Variants in TEP1 observed in about 807,000 individuals in gnomAD.
The protein encoded by TEP1 is telomerase associated protein 1, also known as telomerase protein component 1.
A neutral mutation model predicts 306.3 loss-of-function variants in TEP1; 241 were observed. The observed-to-expected ratio is 0.79, with a 90% CI of 0.71 to 0.88. The LOEUF (loss-of-function observed/expected upper bound fraction) is 0.88, where lower values mean the gene tolerates loss of function less well. TEP1 is among the 40% of genes least tolerant of loss of function. The probability of loss-of-function intolerance (pLI) is 0.00; values close to 1 mark genes in which losing one functional copy is unlikely to be tolerated. For missense variants in TEP1, 3,051 were observed against 3,276.1 expected (o/e 0.93, Z 1.68); for synonymous variants, 1,289 against 1,305.5 (o/e 0.99, Z 0.27).
rs1487693055 is a variant in TEP1, at chr14:20,376,192, C to A, written c.6161G>T (p.Gly2054Val). 1 of 1,614,078 alleles carries A rather than the reference C, an allele frequency of 6.2e-7. No individual in the cohort carries two copies. Among genetic ancestry groups the A allele is most frequent in the African/African-American group, 1.3e-5 (1 of 74,926 alleles). ...RPHKAEDFPC[G>V]TELRGHEGPV... Reference sequence around the variant, plus strand: ...GCCCTCATGTCCCCGCAGCTCAGTGCCACAGGGAAAGTCTTCTGCCTTGTG... The same window carrying A: ...GCCCTCATGTCCCCGCAGCTCAGTGACACAGGGAAAGTCTTCTGCCTTGTG... The change falls in exon 42 of 55, where the codon GGC (glycine) becomes GTC (valine). Residue 2054 changes from glycine to valine, a missense_variant. Physicochemically the swap from Gly to Val is moderately radical, Grantham distance 109. Coordinates refer to ENST00000262715, the MANE Select transcript of TEP1 (RefSeq NM_007110.5).
chr14:20,376,240 G>C lies in TEP1; in HGVS notation c.6113C>G (p.Pro2038Arg). The C allele has an allele frequency of 6.2e-7, 1 of 1,614,120 alleles. No homozygotes were observed. The highest frequency in any genetic ancestry group is 8.5e-7 in the Non-Finnish European group (1 of 1,180,008). Residue 2038 changes from proline to arginine, a missense_variant, in exon 42 of 55, where the codon CCA becomes CGA. Physicochemically the swap from Pro to Arg is moderately radical, Grantham distance 103 (BLOSUM62 -2). Transcript: ENST00000262715. Reference protein sequence around the residue: ...ASEDFTVQLWPRQLLTRPHKA... With the variant: ...ASEDFTVQLWRRQLLTRPHKA... ...GTGTGGCCGCGTCAGCAGCTGCCTT[G>C]GCCACAGCTGCACTGTGAAATCCTC...
Position 20,381,637 on chromosome 14 carries a change from G to T in TEP1, c.4474C>A (p.Pro1492Thr), listed in dbSNP as rs757361801. Residue 1492 changes from proline (P) to threonine (T), a missense_variant, in exon 31 of 55, where the codon CCT (proline) becomes ACT (threonine). By Grantham distance (38) the Pro-to-Thr change is conservative (BLOSUM62 -1). This residue lies in a region of TEP1 where 1,540 missense variants were observed against 1,705.9 expected (regional missense o/e 0.90). Coordinates refer to ENST00000262715, the MANE Select transcript of TEP1 (RefSeq NM_007110.5). This position sits in a 1 kb window ranked among gnomAD's most constrained non-coding sequence, Gnocchi z 4.0. ...LERPGARLCL[P>T]DGPLRTAAKR... is the part of the protein sequence containing the mutation. ...GCTGCTGTTCTCAGGGGCCCATCAG[G>T]GAGGCACAGCCGGGCACCAGGGCGC... 1 of 1,613,852 alleles carries T rather than the reference G, an allele frequency of 6.2e-7. No homozygotes were observed. The highest frequency in any genetic ancestry group is 8.5e-7 in the Non-Finnish European group (1 of 1,179,922).
Position 20,368,262 on chromosome 14 carries a change from C to T in TEP1, c.*175G>A, listed in dbSNP as rs891001776. On this transcript the variant is annotated 3_prime_UTR_variant, in exon 55 of 55. Transcript: ENST00000262715. ...GTACATATACATACACATAGAATATCCTCCTGTTCTAAATCCACATGAGAA... is the reference window on the plus strand; with the variant it reads ...GTACATATACATACACATAGAATATTCTCCTGTTCTAAATCCACATGAGAA... 1 of 605,054 alleles carries T rather than the reference C, an allele frequency of 1.7e-6. No individual in the cohort carries two copies. The highest frequency in any genetic ancestry group is 1.8e-5 in the African/African-American group (1 of 54,334). 37.5% of individuals were successfully genotyped at this position (605,054 alleles called of 1,614,324 possible). A position where few individuals can be genotyped will look rare whatever the true frequency, so the allele number is the denominator to read the frequency against.
intron 53 of TEP1, 98 bp from the exon 54 acceptor site, chr14:20,369,000 C>T (rs1442781306): frequency 1.8e-5 from 15 of 824,766 alleles, no homozygotes; most frequent in Non-Finnish European, 2.7e-5. Flanking sequence ...GCCCTCCTCC[C>T]TTAGTATTTC....
In TEP1 at chr14:20,373,801, C is replaced by G; in HGVS notation, c.6481G>C (p.Val2161Leu). Residue 2161 changes from valine to leucine, a missense_variant, in exon 45 of 55, where the codon GTG becomes CTG. Val to Leu is a conservative substitution (Grantham distance 32, BLOSUM62 1). This residue lies in a region of TEP1 where 1,540 missense variants were observed against 1,705.9 expected (regional missense o/e 0.90). Transcript: ENST00000262715. Reference sequence around the variant, plus strand: ...GTCCCATCCCGGCTCACAGACACCACGTGCTCCTCCTGCCCACAGAGCACA... The same window carrying G: ...GTCCCATCCCGGCTCACAGACACCAGGTGCTCCTCCTGCCCACAGAGCACA... ...VSAVAAVEEH[V>L]VSVSRDGTLK... 5 of 1,612,988 alleles carry G rather than the reference C, an allele frequency of 3.1e-6. No individual in the cohort carries two copies. The Admixed American group carries it at 6.7e-5, about 22-fold the overall frequency.
intron 20 of TEP1, among the ~76,000 whole-genome samples, chr14:20,385,699 T>C (rs192378710): frequency 2.6e-5 from 4 of 152,344 alleles, no homozygotes; most frequent in Admixed American, 1.3e-4. Context: ...ATTCTCATAA[T>C]AACCCTCCAA....
rs766048211 is a variant in TEP1, at chr14:20,395,627, G to A, written c.1751C>T (p.Ala584Val). 1 of 1,593,938 alleles carries A rather than the reference G, an allele frequency of 6.3e-7. No individual in the cohort carries two copies. Among genetic ancestry groups the A allele is most frequent in the Non-Finnish European group, 8.6e-7 (1 of 1,163,384 alleles). ...DALEAQLRNQ[A>V]LPFPSNITLM... ...TGTTATATTCGAAGGAAAGGGCAAT[G>A]CTGTATGATGACAGGTAAATTTCCG... Residue 584 changes from alanine (A) to valine (V), a missense_variant and splice_region_variant, in exon 12 of 55, where the codon GCA becomes GTA. By Grantham distance (64) the Ala-to-Val change is moderately conservative. This residue lies in a region of TEP1 where 1,507 missense variants were observed against 1,550.5 expected (regional missense o/e 0.97). Coordinates refer to ENST00000262715, the MANE Select transcript of TEP1 (RefSeq NM_007110.5).
intron 16 of TEP1, 54 bp from the exon 17 acceptor site, chr14:20,389,351 T>C: frequency 6.3e-7 from 1 of 1,587,846 alleles, no homozygotes; most frequent in African/African-American, 1.3e-5. Context: ...TGGAACACAG[T>C]CACTGCCCAC....
At chr14:20,393,535 T>C (rs371129295) in intron 12 of TEP1, among the ~76,000 whole-genome samples, 15 of 152,254 alleles carry the variant, frequency 9.9e-5, no homozygotes, top group African/African-American at 2.9e-4. Flanking sequence ...CTTACGCCTG[T>C]AATCCCAGTA....
intron 4 of TEP1, 56 bp downstream of exon 4, chr14:20,405,395 C>A (rs1879097584): frequency 7.0e-7 from 1 of 1,432,604 alleles, no homozygotes; most frequent in African/African-American, 1.6e-5. Context: ...CACACCATAA[C>A]CACACTCCCA....
intron 41 of TEP1, 50 bp downstream of exon 41, chr14:20,377,229 AG>A (rs1412836616): frequency 4.3e-6 from 6 of 1,405,130 alleles, no homozygotes; most frequent in East Asian, 2.3e-5. Flanking sequence ...AAAAAAAAAA[AG>A]AAAAGAAAAG....
At chr14:20,370,553 T>C (rs1468996859) in intron 51 of TEP1, among the ~76,000 whole-genome samples, 1 of 152,254 alleles carries the variant, frequency 6.6e-6, no homozygotes, top group African/African-American at 2.4e-5. Context: ...TTTTTTGCCA[T>C]GTAGTATTCC....
chr14:20,401,023 G>A lies in TEP1; in HGVS notation c.1510C>T (p.Leu504=). The A allele has an allele frequency of 6.2e-7, 1 of 1,614,250 alleles. No individual in the cohort carries two copies. Among genetic ancestry groups the A allele is most frequent in the Non-Finnish European group, 8.5e-7 (1 of 1,180,052 alleles). Residue 504 remains leucine, a synonymous_variant, in exon 9 of 55, where the codon CTA becomes TTA. Transcript: ENST00000262715. ...CAGACCGACGCTTTGTTCCCCCGTAGGCTCAGCTCCCGCTCCCAGGTCTCT... is the reference window on the plus strand; with the variant it reads ...CAGACCGACGCTTTGTTCCCCCGTAAGCTCAGCTCCCGCTCCCAGGTCTCT... ...RPETWERELS[L]RGNKASVWEE...
Position 20,383,559 on chromosome 14 carries a change from C to A in TEP1, c.3796G>T (p.Asp1266Tyr). 1 of 1,614,186 alleles carries A rather than the reference C, an allele frequency of 6.2e-7. No individual in the cohort carries two copies. Among genetic ancestry groups the A allele is most frequent in the East Asian group, 2.2e-5 (1 of 44,880 alleles). ...TGGTCCACTAACCTATCAGCCCCAT[C>A]GATGATCAGGACCTGGGTCTGGCCA... ...HPGQTQVLII[D>Y]GADRLVDQNG... Residue 1266 changes from aspartate to tyrosine, a missense_variant, in exon 26 of 55, where the codon GAT becomes TAT. Coordinates refer to ENST00000262715, the MANE Select transcript of TEP1 (RefSeq NM_007110.5).
intron 35 of TEP1, among the ~76,000 whole-genome samples, chr14:20,379,680 T>G (rs568528349): frequency 6.6e-6 from 1 of 152,244 alleles, no homozygotes; most frequent in South Asian, 2.1e-4. Flanking sequence ...ACTGACCACT[T>G]GGTGGGCAAT....
rs761323334 is a variant in TEP1, at chr14:20,382,655, C to A, written c.4108G>T (p.Asp1370Tyr). ...GRPLYLRLVT[D>Y]HLRLFTLYEQ... ...TACAGCGTGAAGAGCCTCAGGTGAT[C>A]GGTGACCAAGCGCAGGTAGAGCGGC... Residue 1370 changes from aspartate (D) to tyrosine (Y), a missense_variant, in exon 28 of 55, where the codon GAT (aspartate) becomes TAT (tyrosine). By Grantham distance (160) the Asp-to-Tyr change is radical. This residue lies in a region of TEP1 where 1,540 missense variants were observed against 1,705.9 expected (regional missense o/e 0.90). Coordinates refer to ENST00000262715, the MANE Select transcript of TEP1 (RefSeq NM_007110.5). 4 of 1,614,066 alleles carry A rather than the reference C, an allele frequency of 2.5e-6. No individual in the cohort carries two copies. The highest frequency in any genetic ancestry group is 4.5e-5 in the East Asian group (2 of 44,886).
At position 20,367,368 on chromosome 14, in the gene TEP1, C is replaced by CAAAAAAAA. The variant is rs547615581; in HGVS notation, c.*1061_*1068dup. The CAAAAAAAA allele has an allele frequency of 9.8e-6, 1 of 101,656 alleles. No homozygotes were observed. 6.3% of individuals were successfully genotyped at this position (101,656 alleles called of 1,614,324 possible). Reference sequence around the variant, plus strand: ...ACAGAGCCAGACTCTATCTCAAAAACAAAAAAAAAAAAAAAAGGTTTTTTA... The same window carrying CAAAAAAAA: ...ACAGAGCCAGACTCTATCTCAAAAACAAAAAAAAAAAAAAAAAAAAAAAAGGTTTTTTA... On this transcript the variant is annotated 3_prime_UTR_variant, in exon 55 of 55. Coordinates refer to ENST00000262715, the MANE Select transcript of TEP1 (RefSeq NM_007110.5).
chr14:20,383,607 T>G lies in TEP1; in HGVS notation c.3748A>C (p.Lys1250Gln), dbSNP rs372462628. 3 of 1,613,686 alleles carry G rather than the reference T, an allele frequency of 1.9e-6. No individual in the cohort carries two copies. Among genetic ancestry groups the G allele is most frequent in the South Asian group, 1.1e-5 (1 of 90,966 alleles). The change falls in exon 26 of 55, where the codon AAG becomes CAG. Residue 1250 changes from lysine to glutamine, a missense_variant. Physicochemically the swap from Lys to Gln is moderately conservative, Grantham distance 53 (BLOSUM62 1). Coordinates refer to ENST00000262715, the MANE Select transcript of TEP1 (RefSeq NM_007110.5). ...VWELQQRLLP[K>Q]SAESLHPGQT... is the part of the protein sequence containing the mutation. ...CCAGGATGCAGGGACTCAGCAGACT[T>G]GGGCAGCAGCCTCTGCTGCAGCTCC...
intron 17 of TEP1, 53 bp from the exon 18 acceptor site, chr14:20,388,116 T>C: frequency 6.3e-7 from 1 of 1,598,796 alleles, no homozygotes; most frequent in Non-Finnish European, 8.5e-7. Context: ...TCGAAATCAG[T>C]GAGGTCTTCC....
Sources: gnomAD v4.1 joint callset for allele counts (sites outside exome capture counted in the v4.1 genomes callset) on GRCh38, gnomAD v4.1.1 for gene constraint, gnomAD v4.1.1 regional missense constraint, Gnocchi (gnomAD v3.1) non-coding constraint, MANE v1.5 for transcripts, NCBI Gene and HGNC (gene_info 2026-07-23, HGNC 2026-07-21) for gene names.